SRSF3: variants seen among roughly 807,000 people sequenced by gnomAD.
SRSF3 encodes the protein serine/arginine-rich splicing factor 3.
For missense variants in SRSF3, 58 were observed against 217.1 expected (o/e 0.27, Z 4.61); for synonymous variants, 87 against 73.6 (o/e 1.18, Z -0.93).
chr6:36,603,239 G>T lies in SRSF3; in HGVS notation c.*1250G>T. 1 of 224,598 alleles carries T rather than the reference G, an allele frequency of 4.5e-6. No individual in the cohort carries two copies. Among genetic ancestry groups the T allele is most frequent in the Non-Finnish European group, 8.9e-6 (1 of 112,382 alleles). 13.9% of individuals were successfully genotyped at this position (224,598 alleles called of 1,614,324 possible). On this transcript the variant is annotated 3_prime_UTR_variant, in exon 6 of 6. Coordinates refer to ENST00000373715, the MANE Select transcript of SRSF3 (RefSeq NM_003017.5). ...AAAACTTTCCACAGGTCTAAAAATT[G>T]CTTCCATTTTATAATTTGAGGTGTT...
rs2127506999 is a variant in SRSF3 at position 36,602,577 on chromosome 6, T to A, written c.*588T>A. On this transcript the variant is annotated 3_prime_UTR_variant, in exon 6 of 6. Transcript: ENST00000373715. ...ACCTTTGCTTTAGGTCATAAGTTCC[T>A]TATTTGATTGCTGTATATGGATACA... The A allele has an allele frequency of 4.6e-6, 1 of 218,656 alleles. No individual in the cohort carries two copies. The highest frequency in any genetic ancestry group is 2.2e-5 in the African/African-American group (1 of 44,668). The allele number at this position is 218,656 out of a possible 1,614,324, so 13.5% of individuals were successfully genotyped here. A position where few individuals can be genotyped will look rare whatever the true frequency, so the allele number is the denominator to read the frequency against.
At position 36,602,154 on chromosome 6, in the gene SRSF3, A is replaced by G; in HGVS notation, c.*165A>G. On this transcript the variant is annotated 3_prime_UTR_variant, in exon 6 of 6. Transcript: ENST00000373715. ...CTTGAAACAGTGACACAAAGGTGTA[A>G]TTCTCTATGGTTTGAAATGGATCAT... The G allele has an allele frequency of 4.5e-6, 6 of 1,341,608 alleles. No individual in the cohort carries two copies. Among genetic ancestry groups the G allele is most frequent in the Non-Finnish European group, 6.0e-6 (6 of 1,002,866 alleles). The allele number at this position is 1,341,608 out of a possible 1,614,324, so 83.1% of individuals were successfully genotyped here. A position where few individuals can be genotyped will look rare whatever the true frequency, so the allele number is the denominator to read the frequency against.
chr6:36,595,669 CATT>C (rs1196899333), intron 1 of SRSF3, among the ~76,000 whole-genome samples: 3 of 152,186 alleles, frequency 2.0e-5, no homozygotes, highest in African/African-American at 7.2e-5. Flanking sequence ...GTCAGTACAT[CATT>C]CTGAATAATA....
In SRSF3 at chr6:36,604,797, G is replaced by C. The variant is rs1778784564; in HGVS notation, c.*2808G>C. ...CCAGGCTCATTGACTTAGTTTTTCA[G>C]GGTGACCTAACCCTGTGTAATTTTG... On this transcript the variant is annotated 3_prime_UTR_variant, in exon 6 of 6. Coordinates refer to ENST00000373715, the MANE Select transcript of SRSF3 (RefSeq NM_003017.5). The C allele has an allele frequency of 6.6e-6, 1 of 152,204 alleles. No individual in the cohort carries two copies. The highest frequency in any genetic ancestry group is 2.1e-4 in the South Asian group (1 of 4,826). 9.4% of individuals were successfully genotyped at this position (152,204 alleles called of 1,614,324 possible).
Position 36,602,202 on chromosome 6 carries a change from TTG to T in SRSF3, c.*215_*216del. 1 of 954,890 alleles carries T rather than the reference TTG, an allele frequency of 1.0e-6. No individual in the cohort carries two copies. Among genetic ancestry groups the T allele is most frequent in the Non-Finnish European group, 1.4e-6 (1 of 690,826 alleles). 59.2% of individuals were successfully genotyped at this position (954,890 alleles called of 1,614,324 possible). A position where few individuals can be genotyped will look rare whatever the true frequency, so the allele number is the denominator to read the frequency against. On this transcript the variant is annotated 3_prime_UTR_variant, in exon 6 of 6. Coordinates refer to ENST00000373715, the MANE Select transcript of SRSF3 (RefSeq NM_003017.5). ...CATACGAGGCATGTAATACCAAGAA[TTG>T]TTACTTTACAATGTTCCCTTAAGCA...
At chr6:36,601,215 C>CA in intron 4 of SRSF3, 25 bp downstream of exon 4, 1 of 1,612,232 alleles carries the variant, frequency 6.2e-7, no homozygotes, top group Non-Finnish European at 8.5e-7. Context: ...TTTTTGGCTA[C>CA]GTTCTTAGAA....
At position 36,596,813 on chromosome 6, in the gene SRSF3, T is replaced by C; in HGVS notation, c.51T>C (p.Leu17=). 3.7e-6 allele frequency: 6 copies of C among 1,614,080 alleles called. No homozygotes were observed. The highest frequency in any genetic ancestry group is 5.1e-6 in the Non-Finnish European group (6 of 1,180,016). ...ACTGTAAGGTTTATGTAGGCAATCT[T>C]GGAAACAATGGCAACAAGACGGAAT... ...PLDCKVYVGN[L]GNNGNKTELE... The change falls in exon 2 of 6, where the codon CTT becomes CTC. Residue 17 remains leucine (L), a synonymous_variant. Transcript: ENST00000373715.
intron 4 of SRSF3, 27 bp from the exon 5 acceptor site, chr6:36,601,681 G>A: frequency 6.4e-7 from 1 of 1,550,948 alleles, no homozygotes; most frequent in Middle Eastern, 2.1e-4. Context: ...ATACCTCATT[G>A]GTCCTAATGT....
At chr6:36,599,973 T>G in intron 3 of SRSF3, 1 of 1,302,196 alleles carries the variant, frequency 7.7e-7, no homozygotes, top group Non-Finnish European at 1.0e-6. Context: ...GCACCGCCCT[T>G]TGGTTCCCGA....
chr6:36,597,280 A>G, intron 2 of SRSF3: 2 of 337,176 alleles, frequency 5.9e-6, no homozygotes, highest in Admixed American at 4.7e-5. Flanking sequence ...TGATTTTTGT[A>G]TTTCTAGCAG....
In SRSF3 at chr6:36,597,068, C is replaced by T. The variant is rs531063082; in HGVS notation, c.206+100C>T. 6 of 899,556 alleles carry T rather than the reference C, an allele frequency of 6.7e-6. No individual in the cohort carries two copies. The South Asian group carries it at 8.8e-5, about 13-fold the overall frequency. 55.7% of individuals were successfully genotyped at this position (899,556 alleles called of 1,614,324 possible). The stretch of plus-strand genomic sequence containing the variant: ...CTTAGATGGCTTTCCCAATCACTGG[C>T]CAATTGTATCTTTAGATACAATTGG... On this transcript the variant is annotated intron_variant, in intron 2 of 5. Transcript: ENST00000373715.
chr6:36,596,966 A>C lies in SRSF3; in HGVS notation c.204A>C (p.Gly68=). ...DAADAVRELD[G]RTLCGCRVRV... is the part of the protein sequence containing the mutation. ...CTGATGCAGTCCGAGAGCTAGATGG[A>C]AGGTGATTTAATGATTACGCTGATA... is the stretch of plus-strand genomic sequence containing the variant. The change falls in exon 2 of 6, where the codon GGA becomes GGC. Residue 68 remains glycine (G), a splice_region_variant and synonymous_variant. Coordinates refer to ENST00000373715, the MANE Select transcript of SRSF3 (RefSeq NM_003017.5). The C allele has an allele frequency of 6.2e-7, 1 of 1,613,724 alleles. No homozygotes were observed.
At chr6:36,597,237 C>G (rs936273557) in intron 2 of SRSF3, 2 of 490,650 alleles carry the variant, frequency 4.1e-6, no homozygotes, top group Non-Finnish European at 7.3e-6. Context: ...TTCTGAGTAA[C>G]TGGGACTACA....
intron 4 of SRSF3, 191 bp from the exon 5 acceptor site, chr6:36,601,517 T>G: frequency 1.7e-6 from 1 of 602,856 alleles, no homozygotes; most frequent in East Asian, 2.7e-5. Flanking sequence ...CTGGCTAATT[T>G]ATTTTTTGTG....
chr6:36,600,136 G>A, intron 3 of SRSF3: 1 of 1,065,980 alleles, frequency 9.4e-7, no homozygotes, highest in Non-Finnish European at 1.1e-6. Context: ...TAACAAAAAA[G>A]CAGGAAAAAT....
At chr6:36,599,622 C>G (rs1778685939) in intron 3 of SRSF3, 1 of 381,730 alleles carries the variant, frequency 2.6e-6, no homozygotes, top group Non-Finnish European at 5.1e-6. Context: ...AAATTTACCT[C>G]TTACAGGTGA....
At chr6:36,600,465 T>G (rs761452889) in intron 3 of SRSF3, 12 of 209,620 alleles carry the variant, frequency 5.7e-5, no homozygotes, top group African/African-American at 2.8e-4. Context: ...GTGAAACTTA[T>G]TTGCATGTGC....
At chr6:36,596,305 A>G (rs1435276158) in intron 1 of SRSF3, among the ~76,000 whole-genome samples, 2 of 152,048 alleles carry the variant, frequency 1.3e-5, no homozygotes, top group African/African-American at 2.4e-5. Flanking sequence ...GGTACTTTGA[A>G]TCGCTTGCCT....
Position 36,603,640 on chromosome 6 carries a change from G to A in SRSF3, c.*1651G>A, listed in dbSNP as rs1778756561. 4 of 229,668 alleles carry A rather than the reference G, an allele frequency of 1.7e-5. No individual in the cohort carries two copies. The highest frequency in any genetic ancestry group is 4.4e-5 in the African/African-American group (2 of 45,150). 14.2% of individuals were successfully genotyped at this position (229,668 alleles called of 1,614,324 possible). On this transcript the variant is annotated 3_prime_UTR_variant, in exon 6 of 6. Transcript: ENST00000373715. ...CAGGAAGGTTCAGCCTTAAAGTTAA[G>A]CATGTTCAAGAAAGACACTTTTCAG...
Sources: gnomAD v4.1 joint callset for allele counts (sites outside exome capture counted in the v4.1 genomes callset) on GRCh38, gnomAD v4.1.1 for gene constraint, MANE v1.5 for transcripts, NCBI Gene and HGNC (gene_info 2026-07-23, HGNC 2026-07-21) for gene names.